RALYL: variants seen among roughly 807,000 people sequenced by gnomAD.
RALYL encodes the protein RALY RNA binding protein like.
RALYL carries 29 observed loss-of-function variants against 35.1 expected under a neutral mutation model. The observed-to-expected ratio is 0.83, with a 90% CI of 0.61 to 1.13. RALYL has a LOEUF of 1.13. Ranked by LOEUF, RALYL falls within the 50% of genes most tolerant of loss-of-function variation. The probability of loss-of-function intolerance (pLI) is 0.00; values close to 1 mark genes in which losing one functional copy is unlikely to be tolerated. For synonymous variants in RALYL, 120 were observed against 127.6 expected (o/e 0.94, Z 0.40); for missense variants, 359 against 360.4 (o/e 1.00, Z 0.03).
At chr8:84,602,081 G>A (rs562814514) in intron 2 of RALYL, among the ~76,000 whole-genome samples, 1 of 151,902 alleles carries the variant, frequency 6.6e-6, no homozygotes, top group Admixed American at 6.6e-5. Flanking sequence ...CCTTCTCCTT[G>A]TTGTTAAAGA....
At chr8:84,645,165 G>GT (rs1827221425) in intron 2 of RALYL, among the ~76,000 whole-genome samples, 1 of 151,942 alleles carries the variant, frequency 6.6e-6, no homozygotes, top group South Asian at 2.1e-4. Flanking sequence ...TGACTAATAT[G>GT]TTGGGTCTCA....
chr8:84,413,432 T>G (rs2044298760), intron 1 of RALYL, among the ~76,000 whole-genome samples: 1 of 151,952 alleles, frequency 6.6e-6, no homozygotes, highest in Non-Finnish European at 1.5e-5. Context: ...AAATCCCTCT[T>G]GTTATTAGAC....
chr8:84,325,237 T>C (rs1175845025), intron 1 of RALYL, among the ~76,000 whole-genome samples: 2 of 152,150 alleles, frequency 1.3e-5, no homozygotes, highest in African/African-American at 4.8e-5. Context: ...GAAATATATC[T>C]CCTTTAAATC....
rs560764841 is a variant in RALYL, at chr8:84,620,969, G to A, written c.256+91392G>A. Among the ~76,000 whole-genome samples the A allele has an allele frequency of 2.4e-3, 359 of 152,156 alleles. 2 individuals are homozygous for A. The highest frequency in any genetic ancestry group is 8.2e-3 in the African/African-American group (339 of 41,542). On this transcript the variant is annotated intron_variant, in intron 2 of 8. Coordinates refer to ENST00000521268, the MANE Select transcript of RALYL (RefSeq NM_173848.7). ...TGCCCGTTCTCAGATCTCCAGCTGC[G>A]TGCTGGGAGAACCACTGCTCTCTTC...
chr8:84,672,980 ACC>A (rs1564349461), intron 2 of RALYL, among the ~76,000 whole-genome samples: 1 of 152,152 alleles, frequency 6.6e-6, no homozygotes, highest in African/African-American at 2.4e-5. Flanking sequence ...GAACTAATTT[ACC>A]CTCTTACCAA....
intron 1 of RALYL, among the ~76,000 whole-genome samples, chr8:84,252,035 A>G (rs1479725535): frequency 6.6e-6 from 1 of 151,664 alleles, no homozygotes; most frequent in Non-Finnish European, 1.5e-5. Flanking sequence ...GGGAATCTGT[A>G]CTCTTTACTT....
intron 2 of RALYL, among the ~76,000 whole-genome samples, chr8:84,727,307 G>A (rs1025929760): frequency 6.6e-6 from 1 of 151,910 alleles, no homozygotes; most frequent in African/African-American, 2.4e-5. Context: ...AGCCTGTAAG[G>A]AGTTATTACC....
intron 2 of RALYL, among the ~76,000 whole-genome samples, chr8:84,585,289 G>T (rs1811739664): frequency 6.6e-6 from 1 of 152,018 alleles, no homozygotes; most frequent in Non-Finnish European, 1.5e-5. Context: ...GTCTAGTTTG[G>T]AATAAAAGCC....
chr8:84,224,752 GTTCA>G (rs1823419791), intron 1 of RALYL, among the ~76,000 whole-genome samples: 1 of 151,882 alleles, frequency 6.6e-6, no homozygotes, highest in Non-Finnish European at 1.5e-5. Flanking sequence ...TACCTCCTGG[GTTCA>G]AGCAATTCTC....
chr8:84,257,099 G>C (rs1831348913), intron 1 of RALYL, among the ~76,000 whole-genome samples: 1 of 151,604 alleles, frequency 6.6e-6, no homozygotes, highest in African/African-American at 2.4e-5. Flanking sequence ...ATACTGATAA[G>C]ATATTTATTA....
At chr8:84,599,328 T>A (rs1327341446) in intron 2 of RALYL, among the ~76,000 whole-genome samples, 2 of 152,020 alleles carry the variant, frequency 1.3e-5, no homozygotes, top group Non-Finnish European at 2.9e-5. Context: ...CATAGTTAAA[T>A]TTAGCATTAA....
chr8:84,483,665 C>T lies in RALYL; in HGVS notation c.-23-45634C>T, dbSNP rs185521638. ...TGTAATAATTGATGAAAAGATGAGA[C>T]GATTAATTGGGAGGGCAGATATTAT... On this transcript the variant is annotated intron_variant, in intron 1 of 8. Transcript: ENST00000521268. Among the ~76,000 whole-genome samples, 226 of 151,998 alleles carry T rather than the reference C, an allele frequency of 1.5e-3. 2 individuals carry two copies. Among genetic ancestry groups the T allele is most frequent in the African/African-American group, 4.7e-3 (196 of 41,470 alleles).
intron 1 of RALYL, among the ~76,000 whole-genome samples, chr8:84,312,105 C>T (rs1258777219): frequency 6.6e-6 from 1 of 152,148 alleles, no homozygotes; most frequent in Non-Finnish European, 1.5e-5. Flanking sequence ...CAAGGACCTT[C>T]TTCATAAGGT....
chr8:84,583,592 A>G (rs1479755137), intron 2 of RALYL, among the ~76,000 whole-genome samples: 3 of 152,192 alleles, frequency 2.0e-5, no homozygotes, highest in Non-Finnish European at 4.4e-5. Flanking sequence ...TTTTGTATTA[A>G]TGAAAAATTA....
chr8:84,559,330 A>C (rs1159344202), intron 2 of RALYL, among the ~76,000 whole-genome samples: 1 of 152,066 alleles, frequency 6.6e-6, no homozygotes, highest in Non-Finnish European at 1.5e-5. Flanking sequence ...TCAGAGTGCA[A>C]TTGTCTTAGA....
At chr8:84,373,632 A>C (rs1353197517) in intron 1 of RALYL, among the ~76,000 whole-genome samples, 1 of 152,050 alleles carries the variant, frequency 6.6e-6, no homozygotes, top group African/African-American at 2.4e-5. Flanking sequence ...CCTTCAATAT[A>C]GTTTGACGTC....
intron 1 of RALYL, among the ~76,000 whole-genome samples, chr8:84,246,463 G>A (rs1376636502): frequency 5.9e-5 from 9 of 152,118 alleles, no homozygotes; most frequent in Non-Finnish European, 1.3e-4. Flanking sequence ...GACTAGAAAA[G>A]CTTCCCTGAA....
chr8:84,374,255 T>G (rs542284044), intron 1 of RALYL, among the ~76,000 whole-genome samples: 4 of 152,060 alleles, frequency 2.6e-5, no homozygotes, highest in South Asian at 2.1e-4. Flanking sequence ...TGAATAGGAG[T>G]GATGACAAAG....
chr8:84,247,741 G>A (rs931907426), intron 1 of RALYL, among the ~76,000 whole-genome samples: 5 of 152,080 alleles, frequency 3.3e-5, no homozygotes, highest in African/African-American at 7.2e-5. Context: ...ATACAGACAC[G>A]TCTAATCGAA....
Sources: allele counts gnomAD v4.1 joint callset (sites outside exome capture counted in the v4.1 genomes callset), GRCh38; gene constraint gnomAD v4.1.1; transcripts MANE v1.5; gene names NCBI Gene and HGNC (gene_info 2026-07-23, HGNC 2026-07-21).